The following CORO2B variants were observed in gnomAD, a reference collection of about 807,000 sequenced individuals.
CORO2B encodes the protein coronin 2B.
A neutral mutation model predicts 58.8 loss-of-function variants in CORO2B; 26 were observed. The ratio of observed to expected loss-of-function variants is 0.44; its 90% CI spans 0.32 to 0.61. CORO2B has a LOEUF of 0.61. Among genes scored for constraint, CORO2B ranks in the 20% least tolerant of loss-of-function variants. The pLI is 0.04. For synonymous variants in CORO2B, 242 were observed against 253.8 expected (o/e 0.95, Z 0.44); for missense variants, 460 against 645.1 (o/e 0.71, Z 3.11).
chr15:68,716,595 G>A (rs1252695243), intron 8 of CORO2B, among the ~76,000 whole-genome samples: 1 of 152,256 alleles, frequency 6.6e-6, no homozygotes, highest in South Asian at 2.1e-4. Flanking sequence ...TCTAGGCAGA[G>A]AGTCAAATGG....
chr15:68,663,397 G>T (rs117362663), intron 2 of CORO2B, among the ~76,000 whole-genome samples: 1 of 152,306 alleles, frequency 6.6e-6, no homozygotes, highest in East Asian at 1.9e-4. Flanking sequence ...GTGCATGCAG[G>T]TACGTCTGTA....
At chr15:68,712,671 G>A (rs1221480671) in intron 5 of CORO2B, among the ~76,000 whole-genome samples, 1 of 152,166 alleles carries the variant, frequency 6.6e-6, no homozygotes. Context: ...CATCTGCTAA[G>A]AGCTCACTGT....
At chr15:68,678,082 T>C (rs1413027915) in intron 2 of CORO2B, among the ~76,000 whole-genome samples, 1 of 152,246 alleles carries the variant, frequency 6.6e-6, no homozygotes, top group Non-Finnish European at 1.5e-5. Flanking sequence ...TGTTGCTTCC[T>C]GACAAAGGCC....
intron 5 of CORO2B, among the ~76,000 whole-genome samples, chr15:68,712,044 G>C (rs1892932361): frequency 6.6e-6 from 1 of 152,178 alleles, no homozygotes; most frequent in Non-Finnish European, 1.5e-5. Context: ...ACAGGAGGAG[G>C]AGACACTGGA....
At position 68,725,857 on chromosome 15, in the gene CORO2B, C is replaced by T; in HGVS notation, c.1326C>T (p.Phe442=). The T allele has an allele frequency of 1.2e-6, 2 of 1,613,900 alleles. No homozygotes were observed. Among genetic ancestry groups the T allele is most frequent in the Non-Finnish European group, 1.7e-6 (2 of 1,180,018 alleles). The change falls in exon 12 of 12, where the codon TTC becomes TTT. Residue 442 remains phenylalanine (F), a synonymous_variant. Coordinates refer to ENST00000261861, the MANE Select transcript of CORO2B (RefSeq NM_006091.5). ...PRTENELLRM[F]FRQQDEIRRL... is the part of the protein sequence containing the mutation. ...CTCCACCCCAGCTCCTTCGAATGTT[C>T]TTCCGGCAGCAGGATGAGATTCGAC...
intron 2 of CORO2B, among the ~76,000 whole-genome samples, chr15:68,669,007 G>T (rs1902291042): frequency 6.6e-6 from 1 of 151,806 alleles, no homozygotes; most frequent in South Asian, 2.1e-4. Context: ...GAACCTGGGA[G>T]GCAGAGGTTG....
the CORO2B span, among the ~76,000 whole-genome samples, chr15:68,570,461 G>A: frequency 7.2e-5 from 11 of 152,198 alleles, no homozygotes; most frequent in Non-Finnish European, 1.0e-4. Context: ...TCATGAAGTC[G>A]TAAGACATCG....
upstream of CORO2B, chr15:68,578,945 T>A: frequency 1.3e-4 from 83 of 652,242 alleles, no homozygotes; most frequent in Non-Finnish European, 1.5e-4. The surrounding 1 kb of genome is among the most constrained non-coding windows in gnomAD (Gnocchi z 4.2). Flanking sequence ...TCCCGGCCCC[T>A]CTTCCTCCCC....
rs150606304 is a variant in CORO2B at position 68,608,389 on chromosome 15, G to T, written c.15+29112G>T. Among the ~76,000 whole-genome samples, 461 of 152,330 alleles carry T rather than the reference G, an allele frequency of 3.0e-3. 3 individuals carry two copies. Among genetic ancestry groups the T allele is most frequent in the African/African-American group, 0.011 (441 of 41,582 alleles). On this transcript the variant is annotated intron_variant, in intron 1 of 11. Transcript: ENST00000261861. ...CCCTCCCCCACACTGTGGTCCCCTG[G>T]AGGACTTCGGCCTGAAGGACAACTC...
At position 68,726,254 on chromosome 15, in the gene CORO2B, T is replaced by G. The variant is rs968431113; in HGVS notation, c.*280T>G. The G allele has an allele frequency of 2.5e-6, 1 of 395,288 alleles. No individual in the cohort carries two copies. The allele number at this position is 395,288 out of a possible 1,614,324, so 24.5% of individuals were successfully genotyped here. Reference sequence around the variant, plus strand: ...AGCTGGGTGAAGACTACAGACTCCCTGGGGTTGGCAGGGGCTCCATCTCAG... The same window carrying G: ...AGCTGGGTGAAGACTACAGACTCCCGGGGGTTGGCAGGGGCTCCATCTCAG... On this transcript the variant is annotated 3_prime_UTR_variant, in exon 12 of 12. Transcript: ENST00000261861.
At chr15:68,639,880 T>A (rs751572529) in intron 1 of CORO2B, among the ~76,000 whole-genome samples, 6 of 152,210 alleles carry the variant, frequency 3.9e-5, no homozygotes, top group Non-Finnish European at 7.3e-5. Context: ...TGTTCTGCTC[T>A]CACTAGAATC....
chr15:68,665,064 T>C (rs1243615633), intron 2 of CORO2B, among the ~76,000 whole-genome samples: 1 of 152,214 alleles, frequency 6.6e-6, no homozygotes, highest in Non-Finnish European at 1.5e-5. Context: ...TTCTCTGAGA[T>C]TATAAAGAAG....
At position 68,715,224 on chromosome 15, in the gene CORO2B, A is replaced by G; in HGVS notation, c.880A>G (p.Asn294Asp). 1 of 1,613,946 alleles carries G rather than the reference A, an allele frequency of 6.2e-7. No homozygotes were observed. Among genetic ancestry groups the G allele is most frequent in the Non-Finnish European group, 8.5e-7 (1 of 1,179,928 alleles). ...MLYLAGKGDG[N>D]IRYYEISTEK... Reference sequence around the variant, plus strand: ...TCTCTCCTGACCCCAGGGTGATGGAAACATCCGGTACTACGAGATCAGCAC... The same window carrying G: ...TCTCTCCTGACCCCAGGGTGATGGAGACATCCGGTACTACGAGATCAGCAC... Residue 294 changes from asparagine (N) to aspartate (D), a missense_variant, in exon 8 of 12, where the codon AAC (asparagine) becomes GAC (aspartate). This residue lies in a region of CORO2B where 352 missense variants were observed against 543.0 expected (regional missense o/e 0.65). Transcript: ENST00000261861.
At chr15:68,667,210 C>G (rs372504835) in intron 2 of CORO2B, among the ~76,000 whole-genome samples, 1 of 152,162 alleles carries the variant, frequency 6.6e-6, no homozygotes, top group Non-Finnish European at 1.5e-5. Flanking sequence ...CTGCCCTCAC[C>G]AGACCTTGAG....
At chr15:68,534,314 A>G in the CORO2B span, among the ~76,000 whole-genome samples, 3 of 152,140 alleles carry the variant, frequency 2.0e-5, no homozygotes, top group East Asian at 5.8e-4. Context: ...ACATGCACAC[A>G]CTTGCATACA....
At chr15:68,685,762 T>TTTGA (rs1286685418) in intron 2 of CORO2B, among the ~76,000 whole-genome samples, 2 of 31,348 alleles carry the variant, frequency 6.4e-5, no homozygotes, top group Admixed American at 1.2e-3. Context: ...TATTTAATTG[T>TTTGA]TTGATTGATT....
intron 1 of CORO2B, among the ~76,000 whole-genome samples, chr15:68,622,442 A>G (rs944978845): frequency 2.6e-5 from 4 of 152,166 alleles, no homozygotes; most frequent in Non-Finnish European, 5.9e-5. Flanking sequence ...TCTGAGTTGG[A>G]AAGGATTCTC....
At position 68,695,145 on chromosome 15, in the gene CORO2B, C is replaced by G; in HGVS notation, c.222C>G (p.Gly74=). The G allele has an allele frequency of 6.2e-7, 1 of 1,612,926 alleles. No individual in the cohort carries two copies. Among genetic ancestry groups the G allele is most frequent in the Non-Finnish European group, 8.5e-7 (1 of 1,179,052 alleles). The change falls in exon 3 of 12, where the codon GGC becomes GGG. Residue 74 remains glycine, a synonymous_variant. Coordinates refer to ENST00000261861, the MANE Select transcript of CORO2B (RefSeq NM_006091.5). ...SFLVIPLEQT[G]RIEPNYPKVC... The stretch of plus-strand genomic sequence containing the variant: ...TCTCTCTTTCTCCTCTGCAGACAGG[C>G]AGGATTGAACCCAACTACCCCAAGG...
At chr15:68,633,667 C>T (rs1248733023) in intron 1 of CORO2B, among the ~76,000 whole-genome samples, 2 of 152,084 alleles carry the variant, frequency 1.3e-5, no homozygotes, top group African/African-American at 4.8e-5. Flanking sequence ...CTTTTTTATA[C>T]CCAAAATGAT....
Sources: allele counts gnomAD v4.1 joint callset (sites outside exome capture counted in the v4.1 genomes callset), GRCh38; gene constraint gnomAD v4.1.1; regional missense constraint gnomAD v4.1.1; non-coding constraint Gnocchi (gnomAD v3.1); transcripts MANE v1.5; gene names NCBI Gene and HGNC (gene_info 2026-07-23, HGNC 2026-07-21).